Variants in SGIP1 observed in about 807,000 individuals in gnomAD.
SGIP1 encodes SH3GL interacting endocytic adaptor 1.
SGIP1 carries 38 observed loss-of-function variants against 107.5 expected under a neutral mutation model. The observed-to-expected ratio is 0.35, with a 90% CI of 0.27 to 0.46. The LOEUF (loss-of-function observed/expected upper bound fraction) is 0.46, where lower values mean the gene tolerates loss of function less well. Ranked by LOEUF, SGIP1 falls within the 20% of genes least tolerant of loss-of-function variation. The pLI, the probability that SGIP1 is intolerant of heterozygous loss-of-function variation, is 1.00. For synonymous variants in SGIP1, 365 were observed against 366.1 expected (o/e 1.00, Z 0.03); for missense variants, 929 against 1,019.5 (o/e 0.91, Z 1.21).
chr1:66,680,671 T>C (rs543540632), intron 14 of SGIP1, among the ~76,000 whole-genome samples: 1 of 152,332 alleles, frequency 6.6e-6, no homozygotes, highest in African/African-American at 2.4e-5. Context: ...TTTCCACAAA[T>C]TGTGTTAGAT....
At chr1:66,738,447 C>T (rs1477750393) in intron 21 of SGIP1, among the ~76,000 whole-genome samples, 1 of 152,238 alleles carries the variant, frequency 6.6e-6, no homozygotes, top group Admixed American at 6.5e-5. Context: ...TTCTTAGACA[C>T]CTATTCACCA....
chr1:66,652,061 T>A (rs910112268), intron 7 of SGIP1, among the ~76,000 whole-genome samples: 2 of 152,066 alleles, frequency 1.3e-5, no homozygotes, highest in Non-Finnish European at 2.9e-5. Flanking sequence ...CACAGAAAGA[T>A]CAAGAGACAA....
At chr1:66,609,537 C>A (rs2067519978) in intron 1 of SGIP1, among the ~76,000 whole-genome samples, 1 of 152,160 alleles carries the variant, frequency 6.6e-6, no homozygotes, top group Non-Finnish European at 1.5e-5. Flanking sequence ...CAGACCAGGT[C>A]CTAATGCCAC....
At position 66,748,357 on chromosome 1, in the gene SGIP1, T is replaced by C. The variant is rs915916290; in HGVS notation, c.*5262T>C. 6.6e-5 allele frequency: 10 copies of C among 152,068 alleles called. No homozygotes were observed. The highest frequency in any genetic ancestry group is 2.4e-4 in the African/African-American group (10 of 41,542). 9.4% of individuals were successfully genotyped at this position (152,068 alleles called of 1,614,324 possible). On this transcript the variant is annotated 3_prime_UTR_variant, in exon 25 of 25. Transcript: ENST00000371037. ...TTCTGTCATCTTCTGCAAGCTAGAG[T>C]TGCACTGCTGACATCTAATTAAGAT...
At chr1:66,551,853 T>G (rs891927780) in intron 1 of SGIP1, among the ~76,000 whole-genome samples, 5 of 152,200 alleles carry the variant, frequency 3.3e-5, no homozygotes, top group Non-Finnish European at 7.4e-5. Context: ...GATTGTAGAT[T>G]CTGAGATAAA....
At chr1:66,657,966 A>G (rs1211930250) in intron 7 of SGIP1, among the ~76,000 whole-genome samples, 2 of 152,082 alleles carry the variant, frequency 1.3e-5, no homozygotes, top group African/African-American at 2.4e-5. Context: ...TTCTGAAGAA[A>G]CCTTTAAGCT....
intron 17 of SGIP1, chr1:66,694,362 A>C: frequency 7.9e-7 from 1 of 1,258,380 alleles, no homozygotes; most frequent in Non-Finnish European, 1.1e-6. Flanking sequence ...CAATCAGTAA[A>C]GTGGGCTTCT....
chr1:66,622,610 C>T (rs2071439607), intron 1 of SGIP1, among the ~76,000 whole-genome samples: 1 of 152,074 alleles, frequency 6.6e-6, no homozygotes, highest in African/African-American at 2.4e-5. Flanking sequence ...CCAAAAGAAG[C>T]TAAAGGAATC....
chr1:66,535,330 C>T (rs1188588435), intron 1 of SGIP1, among the ~76,000 whole-genome samples: 1 of 152,148 alleles, frequency 6.6e-6, no homozygotes, highest in Non-Finnish European at 1.5e-5. Context: ...TTGTCCCCAG[C>T]CTGGATTTCA....
At chr1:66,637,872 C>G (rs2076100832) in intron 4 of SGIP1, among the ~76,000 whole-genome samples, 1 of 149,718 alleles carries the variant, frequency 6.7e-6, no homozygotes, top group East Asian at 2.0e-4. Flanking sequence ...TACATACACA[C>G]AAATATATAT....
intron 1 of SGIP1, among the ~76,000 whole-genome samples, chr1:66,583,059 T>A (rs943250824): frequency 6.6e-6 from 1 of 152,096 alleles, no homozygotes; most frequent in African/African-American, 2.4e-5. Flanking sequence ...TTGACATCAA[T>A]TGATTGATAA....
Position 66,690,441 on chromosome 1 carries a change from C to A in SGIP1, c.1570+125C>A. On this transcript the variant is annotated intron_variant, in intron 17 of 24. Transcript: ENST00000371037. ...TTTGCTGTGTGTTTTGCTACTATTACCTGACTCTTCTTTTAAAACCACCTT... is the reference window on the plus strand; with the variant it reads ...TTTGCTGTGTGTTTTGCTACTATTAACTGACTCTTCTTTTAAAACCACCTT... The A allele has an allele frequency of 2.2e-6, 3 of 1,342,094 alleles. No homozygotes were observed. The East Asian group carries it at 6.9e-5, about 31-fold the overall frequency. The allele number at this position is 1,342,094 out of a possible 1,614,324, so 83.1% of individuals were successfully genotyped here.
chr1:66,651,693 C>T (rs2078786514), intron 7 of SGIP1, among the ~76,000 whole-genome samples: 1 of 152,188 alleles, frequency 6.6e-6, no homozygotes, highest in Non-Finnish European at 1.5e-5. Context: ...TATGGTACAG[C>T]ACTTCCTATA....
intron 7 of SGIP1, among the ~76,000 whole-genome samples, chr1:66,644,396 A>G (rs908798419): frequency 3.3e-5 from 5 of 151,984 alleles, no homozygotes; most frequent in African/African-American, 7.2e-5. Flanking sequence ...TCATTCCCCA[A>G]TTCCCAGCTA....
intron 5 of SGIP1, 61 bp downstream of exon 5, chr1:66,639,894 G>A (rs1255641056): frequency 5.0e-6 from 7 of 1,390,080 alleles, no homozygotes; most frequent in Non-Finnish European, 6.0e-6. Context: ...ATGAGTTGAG[G>A]CATTCTTATA....
In SGIP1 at chr1:66,648,758, A is replaced by G. The variant is rs13375726; in HGVS notation, c.459+5039A>G. ...ATCTGTTTAAATATTTTGTTCTAGA[A>G]TTTTGGGTTAATCACAAGCCAGTGT... On this transcript the variant is annotated intron_variant, in intron 7 of 24. Coordinates refer to ENST00000371037, the MANE Select transcript of SGIP1 (RefSeq NM_032291.4). Among the ~76,000 whole-genome samples, 999 of 152,168 alleles carry G rather than the reference A, an allele frequency of 6.6e-3. 13 individuals are homozygous for G. Among genetic ancestry groups the G allele is most frequent in the African/African-American group, 0.023 (938 of 41,534 alleles).
Position 66,671,026 on chromosome 1 carries a change from A to G in SGIP1, c.508+7A>G. 1 of 1,368,658 alleles carries G rather than the reference A, an allele frequency of 7.3e-7. No individual in the cohort carries two copies. The highest frequency in any genetic ancestry group is 1.0e-6 in the Non-Finnish European group (1 of 987,556). The allele number at this position is 1,368,658 out of a possible 1,614,324, so 84.8% of individuals were successfully genotyped here. A position where few individuals can be genotyped will look rare whatever the true frequency, so the allele number is the denominator to read the frequency against. ...ATTAAAAGGAACTTATCCAGTAAGT[A>G]TATCTTAGCTACCAGAAATAGTGTA... On this transcript the variant is annotated splice_region_variant and intron_variant, in intron 10 of 24. Transcript: ENST00000371037.
chr1:66,636,624 G>T (rs1281364566), intron 4 of SGIP1, among the ~76,000 whole-genome samples: 2 of 152,172 alleles, frequency 1.3e-5, no homozygotes, highest in Non-Finnish European at 2.9e-5. Flanking sequence ...ATAGCACACA[G>T]GTAGAATATT....
intron 19 of SGIP1, among the ~76,000 whole-genome samples, chr1:66,726,876 C>T (rs913367488): frequency 3.9e-5 from 6 of 152,028 alleles, no homozygotes; most frequent in African/African-American, 1.5e-4. Context: ...GAGGCCAAGG[C>T]AGGAGGACTG....
Sources: gnomAD v4.1 joint callset for allele counts (sites outside exome capture counted in the v4.1 genomes callset) on GRCh38, gnomAD v4.1.1 for gene constraint, MANE v1.5 for transcripts, NCBI Gene and HGNC (gene_info 2026-07-23, HGNC 2026-07-21) for gene names.